APOA5: variants seen among roughly 807,000 people sequenced by gnomAD.
The protein encoded by APOA5 is apolipoprotein A5.
APOA5 carries 26 observed loss-of-function variants against 31.8 expected under a neutral mutation model. The ratio of observed to expected loss-of-function variants is 0.82; its 90% CI spans 0.60 to 1.13. The LOEUF is 1.13. APOA5 is among the 50% of genes most tolerant of loss of function. The pLI, the probability that APOA5 is intolerant of heterozygous loss-of-function variation, is 0.00. For missense variants in APOA5, 450 were observed against 488.0 expected (o/e 0.92, Z 0.73); for synonymous variants, 186 against 198.5 (o/e 0.94, Z 0.53).
chr11:116,791,915 G>A (rs1591314099), upstream of APOA5: 15 of 1,597,144 alleles, frequency 9.4e-6, no homozygotes, highest in Middle Eastern at 1.7e-4. Flanking sequence ...AGAAGGAGAC[G>A]AAGGGACATG....
Position 116,790,044 on chromosome 11 carries a change from C to G in APOA5, c.*84G>C, listed in dbSNP as rs1005842551. On this transcript the variant is annotated 3_prime_UTR_variant, in exon 3 of 3. Coordinates refer to ENST00000227665, the MANE Select transcript of APOA5 (RefSeq NM_001371904.1). ...CTTCCACCCTCCACCCAACAGGCCACTTTCAAGGACTGAACCATGCTAGAG... is the reference window on the plus strand; with the variant it reads ...CTTCCACCCTCCACCCAACAGGCCAGTTTCAAGGACTGAACCATGCTAGAG... The G allele has an allele frequency of 1.4e-6, 2 of 1,479,610 alleles. No individual in the cohort carries two copies. Among genetic ancestry groups the G allele is most frequent in the Admixed American group, 1.9e-5 (1 of 51,878 alleles). 91.7% of individuals were successfully genotyped at this position (1,479,610 alleles called of 1,614,324 possible). A position where few individuals can be genotyped will look rare whatever the true frequency, so the allele number is the denominator to read the frequency against.
In APOA5 at chr11:116,790,358, CCTGGCGGAAAGCCTGAAGTCG is replaced by C; in HGVS notation, c.850_870del (p.Arg284_Gln290del). 1 of 1,613,864 alleles carries C rather than the reference CCTGGCGGAAAGCCTGAAGTCG, an allele frequency of 6.2e-7. No homozygotes were observed. Among genetic ancestry groups the C allele is most frequent in the Non-Finnish European group, 8.5e-7 (1 of 1,180,046 alleles). On this transcript the variant is annotated inframe_deletion, in exon 3 of 3. Coordinates refer to ENST00000227665, the MANE Select transcript of APOA5 (RefSeq NM_001371904.1). ...AAGGCAGCTATCTGCAGGTAGGTGT[CCTGGCGGAAAGCCTGAAGTCG>C]CTGGCGCACCTCCTCGGAGAGCATC... is the stretch of plus-strand genomic sequence containing the variant.
At chr11:116,791,988 C>G, upstream of APOA5, 1 of 1,043,530 alleles carries the variant, frequency 9.6e-7, no homozygotes, top group Non-Finnish European at 1.4e-6. Context: ...GTTACCCCTT[C>G]CTTGGGCTGG....
rs752477156 is a variant in APOA5 at position 116,790,614 on chromosome 11, G to A, written c.615C>T (p.His205=). The change falls in exon 3 of 3, where the codon CAC becomes CAT. Residue 205 remains histidine (H), a synonymous_variant. Coordinates refer to ENST00000227665, the MANE Select transcript of APOA5 (RefSeq NM_001371904.1). ...AESLVSGIGR[H]VQELHRSVAP... ...CCACACTGCGGTGCAGCTCCTGCAC[G>A]TGGCGCCCGATGCCGCTCACCAGGC... The A allele has an allele frequency of 4.4e-6, 7 of 1,608,148 alleles. No individual in the cohort carries two copies. The highest frequency in any genetic ancestry group is 1.7e-5 in the Admixed American group (1 of 59,964).
rs1205293123 is a variant in APOA5, at chr11:116,790,570, C to G, written c.659G>C (p.Ser220Thr). Residue 220 changes from serine (S) to threonine (T), a missense_variant, in exon 3 of 3, where the codon AGC becomes ACC. Ser to Thr is a moderately conservative substitution (Grantham distance 58). Transcript: ENST00000227665. ...HRSVAPHAPA[S>T]PARLSRCVQV... Reference sequence around the variant, plus strand: ...CACGCAGCGACTGAGGCGCGCGGGGCTGGCGGGGGCGTGCGGAGCCACACT... The same window carrying G: ...CACGCAGCGACTGAGGCGCGCGGGGGTGGCGGGGGCGTGCGGAGCCACACT... The G allele has an allele frequency of 1.9e-6, 3 of 1,596,634 alleles. No individual in the cohort carries two copies. The Admixed American group carries it at 5.1e-5, about 27-fold the overall frequency.
chr11:116,790,766 C>G lies in APOA5; in HGVS notation c.463G>C (p.Gly155Arg). 6 of 1,613,400 alleles carry G rather than the reference C, an allele frequency of 3.7e-6. No homozygotes were observed. The highest frequency in any genetic ancestry group is 5.1e-6 in the Non-Finnish European group (6 of 1,179,996). Residue 155 changes from glycine to arginine, a missense_variant, in exon 3 of 3, where the codon GGG becomes CGG. By Grantham distance (125) the Gly-to-Arg change is moderately radical (BLOSUM62 -2). Transcript: ENST00000227665. ...QELQEQLRVV[G>R]EDTKAQLLGG... The stretch of plus-strand genomic sequence containing the variant: ...AGCAACTGGGCCTTGGTGTCTTCCC[C>G]CACCACGCGCAACTGCTCCTGCAGC...
At chr11:116,791,301 C>T (rs1941006509) in intron 2 of APOA5, 1 of 700,710 alleles carries the variant, frequency 1.4e-6, no homozygotes, top group Non-Finnish European at 2.6e-6. Flanking sequence ...AGATGCGCCA[C>T]ATCATCCTTT....
At position 116,791,733 on chromosome 11, in the gene APOA5, C is replaced by G. The variant is rs367787801; in HGVS notation, c.50-36G>C. ...GGACTAGGTAATCAGGGCCTGGGCT[C>G]TCCTCCCCCAGGGTGGACAGGGCCC... is the stretch of plus-strand genomic sequence containing the variant. On this transcript the variant is annotated intron_variant, in intron 1 of 2. Coordinates refer to ENST00000227665, the MANE Select transcript of APOA5 (RefSeq NM_001371904.1). 84 of 1,611,334 alleles carry G rather than the reference C, an allele frequency of 5.2e-5. No individual in the cohort carries two copies. In the Middle Eastern group the frequency reaches 3.0e-3, roughly 57 times the overall value.
rs775135279 is a variant in APOA5, at chr11:116,790,191, G to A, written c.1038C>T (p.Asp346=). The change falls in exon 3 of 3, where the codon GAC becomes GAT. Residue 346 remains aspartate (D), a synonymous_variant. Transcript: ENST00000227665. ...GGCTGTGAGTGATGTCTTCCCACAG[G>A]TCATCCAGACGGGCCTGCAGCTTGC... ...VLSKLQARLD[D]LWEDITHSLH... is the part of the protein sequence containing the mutation. The A allele has an allele frequency of 6.2e-7, 1 of 1,614,134 alleles. No individual in the cohort carries two copies. The highest frequency in any genetic ancestry group is 2.2e-5 in the East Asian group (1 of 44,894).
chr11:116,790,607 C>T lies in APOA5; in HGVS notation c.622G>A (p.Glu208Lys), dbSNP rs759203957. ...TGCGGAGCCACACTGCGGTGCAGCT[C>T]CTGCACGTGGCGCCCGATGCCGCTC... ...LVSGIGRHVQ[E>K]LHRSVAPHAP... The change falls in exon 3 of 3, where the codon GAG becomes AAG. Residue 208 changes from glutamate (E) to lysine (K), a missense_variant. Glu to Lys is a moderately conservative substitution (Grantham distance 56). Transcript: ENST00000227665. 4.4e-6 allele frequency: 7 copies of T among 1,607,210 alleles called. No individual in the cohort carries two copies. In the Admixed American group the frequency reaches 1.0e-4, roughly 23 times the overall value.
intron 2 of APOA5, 120 bp from the exon 3 acceptor site, chr11:116,791,187 G>A (rs1941004441): frequency 2.2e-6 from 2 of 897,554 alleles, no homozygotes; most frequent in Non-Finnish European, 3.5e-6. Context: ...TTGGCCCCAG[G>A]GTCGAGGGCT....
intron 2 of APOA5, 108 bp downstream of exon 2, chr11:116,791,478 C>T (rs964309742): frequency 3.6e-5 from 42 of 1,179,540 alleles, no homozygotes; most frequent in African/African-American, 3.5e-4. Context: ...CCGCTCCTTT[C>T]CTCTGTCCCA....
chr11:116,790,012 A>G lies in APOA5; in HGVS notation c.*116T>C. On this transcript the variant is annotated 3_prime_UTR_variant, in exon 3 of 3. Coordinates refer to ENST00000227665, the MANE Select transcript of APOA5 (RefSeq NM_001371904.1). Reference sequence around the variant, plus strand: ...CCCTTTGGTGGCCTCCCTGTCCTGCACAGGACCTTCCACCCTCCACCCAAC... The same window carrying G: ...CCCTTTGGTGGCCTCCCTGTCCTGCGCAGGACCTTCCACCCTCCACCCAAC... 1 of 1,162,868 alleles carries G rather than the reference A, an allele frequency of 8.6e-7. No homozygotes were observed. The highest frequency in any genetic ancestry group is 1.3e-6 in the Non-Finnish European group (1 of 798,138). 72.0% of individuals were successfully genotyped at this position (1,162,868 alleles called of 1,614,324 possible). A position where few individuals can be genotyped will look rare whatever the true frequency, so the allele number is the denominator to read the frequency against.
At chr11:116,791,994 G>T (rs887111091), upstream of APOA5, 2 of 970,012 alleles carry the variant, frequency 2.1e-6, no homozygotes, top group Non-Finnish European at 3.2e-6. Flanking sequence ...CCTTCCTTGG[G>T]CTGGGGAGCA....
rs1940966505 is a variant in APOA5, at chr11:116,790,056, G to A, written c.*72C>T. ...ACCCAACAGGCCACTTTCAAGGACT[G>A]AACCATGCTAGAGGCTCAGAGCCAA... is the stretch of plus-strand genomic sequence containing the variant. On this transcript the variant is annotated 3_prime_UTR_variant, in exon 3 of 3. Transcript: ENST00000227665. 4 of 1,525,258 alleles carry A rather than the reference G, an allele frequency of 2.6e-6. No homozygotes were observed. The allele number at this position is 1,525,258 out of a possible 1,614,324, so 94.5% of individuals were successfully genotyped here. A position where few individuals can be genotyped will look rare whatever the true frequency, so the allele number is the denominator to read the frequency against.
chr11:116,791,391 G>A, intron 2 of APOA5, 195 bp downstream of exon 2: 1 of 725,996 alleles, frequency 1.4e-6, no homozygotes, highest in South Asian at 1.5e-5. Flanking sequence ...AACAGCTACG[G>A]AGTTGTCAAG....
chr11:116,790,242 T>A lies in APOA5; in HGVS notation c.987A>T (p.Gln329His). ...TCAGAACCTTGCCACTGTCTGTTTGTTGAAACTCTGGGGCGAAGGCACTGT... is the reference window on the plus strand; with the variant it reads ...TCAGAACCTTGCCACTGTCTGTTTGATGAAACTCTGGGGCGAAGGCACTGT... Reference protein sequence around the residue: ...PGHSAFAPEFQQTDSGKVLSK... With the variant: ...PGHSAFAPEFHQTDSGKVLSK... Residue 329 changes from glutamine to histidine, a missense_variant, in exon 3 of 3, where the codon CAA (glutamine) becomes CAT (histidine). Gln to His is a conservative substitution (Grantham distance 24). Coordinates refer to ENST00000227665, the MANE Select transcript of APOA5 (RefSeq NM_001371904.1). The A allele has an allele frequency of 1.9e-6, 3 of 1,614,250 alleles. No homozygotes were observed. The highest frequency in any genetic ancestry group is 2.5e-6 in the Non-Finnish European group (3 of 1,180,042).
In APOA5 at chr11:116,790,576, G is replaced by T; in HGVS notation, c.653C>A (p.Pro218His). ...GCGACTGAGGCGCGCGGGGCTGGCG[G>T]GGGCGTGCGGAGCCACACTGCGGTG... is the stretch of plus-strand genomic sequence containing the variant. ...ELHRSVAPHA[P>H]ASPARLSRCV... The change falls in exon 3 of 3, where the codon CCC becomes CAC. Residue 218 changes from proline to histidine, a missense_variant. Physicochemically the swap from Pro to His is moderately conservative, Grantham distance 77. Transcript: ENST00000227665. 1.9e-6 allele frequency: 3 copies of T among 1,598,476 alleles called. No homozygotes were observed. The highest frequency in any genetic ancestry group is 2.5e-6 in the Non-Finnish European group (3 of 1,176,918).
chr11:116,791,992 G>T, upstream of APOA5: 1 of 978,204 alleles, frequency 1.0e-6, no homozygotes. Flanking sequence ...CCCCTTCCTT[G>T]GGCTGGGGAG....
Sources: allele counts gnomAD v4.1 joint callset, GRCh38; gene constraint gnomAD v4.1.1; transcripts MANE v1.5; gene names NCBI Gene and HGNC (gene_info 2026-07-23, HGNC 2026-07-21).